The following ABI3BP variants were observed in gnomAD, a reference collection of about 807,000 sequenced individuals.
The protein encoded by ABI3BP is target of Nesh-SH3.
ABI3BP carries 216 observed loss-of-function variants against 268.6 expected under a neutral mutation model. The ratio of observed to expected loss-of-function variants is 0.80; its 90% confidence interval spans 0.72 to 0.90. ABI3BP has a LOEUF of 0.90. Among genes scored for constraint, ABI3BP ranks in the 40% least tolerant of loss-of-function variants. The pLI is 0.00. For synonymous variants in ABI3BP, 730 were observed against 730.0 expected (o/e 1.00, Z 0.00); for missense variants, 2,090 against 2,182.4 (o/e 0.96, Z 0.84).
intron 2 of ABI3BP, among the ~76,000 whole-genome samples, chr3:100,916,739 T>C (rs1473652681): frequency 1.3e-5 from 2 of 152,332 alleles, no homozygotes; most frequent in East Asian, 3.9e-4. Context: ...AACACAGCAG[T>C]GGCAAACCTG....
chr3:100,774,760 A>G, intron 60 of ABI3BP, 87 bp from the exon 61 acceptor site: 2 of 1,054,654 alleles, frequency 1.9e-6, no homozygotes, highest in South Asian at 3.2e-5. Flanking sequence ...AAGATATTCA[A>G]TATTTCTTCT....
At chr3:100,974,647 G>A (rs1271254773) in intron 1 of ABI3BP, among the ~76,000 whole-genome samples, 1 of 152,102 alleles carries the variant, frequency 6.6e-6, no homozygotes, top group East Asian at 1.9e-4. Flanking sequence ...AGATGGAAAT[G>A]CTTTACTTGA....
At chr3:100,830,774 A>G in intron 31 of ABI3BP, 140 bp from the exon 32 acceptor site, 1 of 649,740 alleles carries the variant, frequency 1.5e-6, no homozygotes, top group East Asian at 2.8e-5. Context: ...AAGTGGCTGT[A>G]TTTTTTTCCT....
rs1418153172 is a variant in ABI3BP, at chr3:100,848,658, C to T, written c.1576+143G>A. 2.3e-5 allele frequency: 17 copies of T among 729,174 alleles called. No homozygotes were observed. The East Asian group carries it at 4.0e-4, about 17-fold the overall frequency. The allele number at this position is 729,174 out of a possible 1,614,324, so 45.2% of individuals were successfully genotyped here. A position where few individuals can be genotyped will look rare whatever the true frequency, so the allele number is the denominator to read the frequency against. The stretch of plus-strand genomic sequence containing the variant: ...CTCAGGCTGGTCTCAAATTCCTAGC[C>T]TCAAGTGATCCTCCTGCCTTGGCCT... On this transcript the variant is annotated intron_variant, in intron 18 of 67. Coordinates refer to ENST00000471714, the MANE Select transcript of ABI3BP (RefSeq NM_001375547.2).
intron 2 of ABI3BP, chr3:100,911,703 A>G: frequency 2.6e-6 from 2 of 777,774 alleles, no homozygotes; most frequent in Non-Finnish European, 4.7e-6. Flanking sequence ...CACTAAAGGT[A>G]CCCTGTGAAA....
intron 49 of ABI3BP, 24 bp from the exon 50 acceptor site, chr3:100,808,259 G>C: frequency 1.3e-6 from 2 of 1,573,764 alleles, no homozygotes; most frequent in Non-Finnish European, 1.7e-6. Flanking sequence ...TATAGGTTCG[G>C]AAATCTTGAG....
At position 100,980,193 on chromosome 3, in the gene ABI3BP, T is replaced by C. The variant is rs75466750; in HGVS notation, c.79+13113A>G. 9.2e-3 allele frequency among the ~76,000 whole-genome samples: 1,400 copies of C among 152,340 alleles called. 13 individuals are homozygous for C. The highest frequency in any genetic ancestry group is 0.017 in the Non-Finnish European group (1,188 of 68,032). On this transcript the variant is annotated intron_variant, in intron 1 of 67. Transcript: ENST00000471714. Reference sequence around the variant, plus strand: ...TGATCATTCAAAAATTCATTGTGTGTCACACCAAATTTAGTCAGTTTGTAG... The same window carrying C: ...TGATCATTCAAAAATTCATTGTGTGCCACACCAAATTTAGTCAGTTTGTAG...
intron 1 of ABI3BP, among the ~76,000 whole-genome samples, chr3:100,991,218 T>C (rs1380105401): frequency 6.6e-6 from 1 of 152,194 alleles, no homozygotes; most frequent in African/African-American, 2.4e-5. Flanking sequence ...AGCTCCAGAA[T>C]TCTAACCACT....
At chr3:100,972,987 T>C (rs2084383169) in intron 1 of ABI3BP, among the ~76,000 whole-genome samples, 2 of 152,204 alleles carry the variant, frequency 1.3e-5, no homozygotes, top group Admixed American at 1.3e-4. Flanking sequence ...GTTTCAGCTC[T>C]CAGACTGTAA....
intron 2 of ABI3BP, chr3:100,911,347 T>G (rs2056378591): frequency 3.7e-6 from 1 of 273,292 alleles, no homozygotes; most frequent in South Asian, 6.1e-5. Context: ...CCATAATGCT[T>G]GACCAGGAAA....
intron 1 of ABI3BP, among the ~76,000 whole-genome samples, chr3:100,980,844 T>A (rs147576236): frequency 6.6e-6 from 1 of 152,274 alleles, no homozygotes; most frequent in East Asian, 1.9e-4. Flanking sequence ...AATATGACAT[T>A]TGAACTCAAG....
intron 20 of ABI3BP, among the ~76,000 whole-genome samples, chr3:100,843,087 C>G (rs1353030663): frequency 6.6e-6 from 1 of 152,142 alleles, no homozygotes; most frequent in African/African-American, 2.4e-5. Flanking sequence ...TATGTAGCAA[C>G]TAACAACAAC....
rs2095417912 is a variant in ABI3BP, at chr3:100,752,965, G to GT, written c.4961-18dup. 4 of 1,603,166 alleles carry GT rather than the reference G, an allele frequency of 2.5e-6. No individual in the cohort carries two copies. The highest frequency in any genetic ancestry group is 1.7e-5 in the Admixed American group (1 of 58,314). On this transcript the variant is annotated splice_polypyrimidine_tract_variant and intron_variant, in intron 65 of 67. Transcript: ENST00000471714. ...CTCTTCCTGCTACAAAAGGAAAATA[G>GT]TTTGAGTTTAGTATCTGACTCTTGG... is the stretch of plus-strand genomic sequence containing the variant.
rs1296012283 is a variant in ABI3BP at position 100,796,514 on chromosome 3, A to G, written c.3758-46T>C. On this transcript the variant is annotated intron_variant, in intron 51 of 67. Transcript: ENST00000471714. ...AACACTGCATACTCTAAATAACCCA[A>G]CTGGAGTGAGCTTAACCCACAGATA... 2.1e-6 allele frequency: 3 copies of G among 1,430,530 alleles called. No homozygotes were observed. The African/African-American group carries it at 4.3e-5, about 21-fold the overall frequency. 88.6% of individuals were successfully genotyped at this position (1,430,530 alleles called of 1,614,324 possible).
chr3:100,816,943 A>G (rs2098070177), intron 42 of ABI3BP, among the ~76,000 whole-genome samples, 175 bp from the exon 43 acceptor site: 2 of 152,326 alleles, frequency 1.3e-5, no homozygotes, highest in South Asian at 4.1e-4. Context: ...GAGAAAACTT[A>G]CATATAAAAT....
chr3:100,773,763 G>A (rs2150043670), intron 61 of ABI3BP, among the ~76,000 whole-genome samples: 1 of 152,290 alleles, frequency 6.6e-6, no homozygotes, highest in South Asian at 2.1e-4. Context: ...CAATAAAAAG[G>A]AATGGACTAC....
At chr3:100,823,376 C>A in intron 37 of ABI3BP, 82 bp downstream of exon 37, 1 of 1,239,190 alleles carries the variant, frequency 8.1e-7, no homozygotes, top group Non-Finnish European at 1.1e-6. Context: ...AAGAATGACA[C>A]TGTTGTCTCA....
At chr3:100,886,113 T>C (rs2041876444) in intron 5 of ABI3BP, 29 bp downstream of exon 5, 1 of 1,512,252 alleles carries the variant, frequency 6.6e-7, no homozygotes, top group Non-Finnish European at 8.8e-7. Flanking sequence ...TATAAAAGCT[T>C]ACTGAAACAA....
intron 25 of ABI3BP, 25 bp downstream of exon 25, chr3:100,838,377 T>C (rs904994086): frequency 1.3e-6 from 2 of 1,533,580 alleles, no homozygotes; most frequent in Non-Finnish European, 8.7e-7. Context: ...TATTTATAGA[T>C]CAAGGCATTG....
Sources: gnomAD v4.1 joint callset for allele counts (sites outside exome capture counted in the v4.1 genomes callset) on GRCh38, gnomAD v4.1.1 for gene constraint, MANE v1.5 for transcripts, NCBI Gene and HGNC (gene_info 2026-07-23, HGNC 2026-07-21) for gene names.